The following NLRP9 variants were observed in gnomAD, a reference collection of about 807,000 sequenced individuals.
NLRP9 encodes the protein NLR family pyrin domain containing 9.
NLRP9 carries 88 observed loss-of-function variants against 83.1 expected under a neutral mutation model. The observed-to-expected ratio is 1.06, with a 90% confidence interval of 0.89 to 1.26. The LOEUF (loss-of-function observed/expected upper bound fraction) is 1.26, where lower values mean the gene tolerates loss of function less well. NLRP9 is among the 50% of genes most tolerant of loss of function. NLRP9 has a pLI of 0.00. For synonymous variants in NLRP9, 521 were observed against 447.6 expected (o/e 1.16, Z -2.07); for missense variants, 1,308 against 1,179.3 (o/e 1.11, Z -1.60).
intron 6 of NLRP9, 95 bp downstream of exon 6, chr19:55,714,960 C>G: frequency 8.4e-7 from 1 of 1,196,418 alleles, no homozygotes; most frequent in Non-Finnish European, 1.2e-6. Flanking sequence ...CATATACATT[C>G]AGATGCTAGC....
intron 4 of NLRP9, among the ~76,000 whole-genome samples, chr19:55,722,248 ATC>A (rs1988250220): frequency 6.6e-6 from 1 of 152,210 alleles, no homozygotes; most frequent in Non-Finnish European, 1.5e-5. Context: ...ATGTTCCCCA[ATC>A]CTTATGTTAA....
intron 7 of NLRP9, among the ~76,000 whole-genome samples, chr19:55,712,190 C>T (rs1987761463): frequency 6.6e-6 from 1 of 152,142 alleles, no homozygotes; most frequent in Admixed American, 6.6e-5. Flanking sequence ...TCCAGGGGCG[C>T]TGCTAAAGAC....
intron 8 of NLRP9, chr19:55,711,383 C>A: frequency 8.0e-7 from 1 of 1,247,404 alleles, no homozygotes; most frequent in Non-Finnish European, 1.0e-6. Context: ...TAACTGCTGC[C>A]ATTTGGCGAA....
At position 55,715,064 on chromosome 19, in the gene NLRP9, C is replaced by G; in HGVS notation, c.2492G>C (p.Arg831Pro). The G allele has an allele frequency of 6.2e-7, 1 of 1,610,298 alleles. No homozygotes were observed. The highest frequency in any genetic ancestry group is 8.5e-7 in the Non-Finnish European group (1 of 1,178,678). ...AALKHPGCSIRELWLMGCFLT... is the reference protein window; with the variant it reads ...AALKHPGCSIPELWLMGCFLT... The stretch of plus-strand genomic sequence containing the variant: ...TCATGGCCGGTCCTACCACAGCTCC[C>G]GTATGCTGCAGCCTGGGTGCTTCAG... The change falls in exon 6 of 9, where the codon CGG becomes CCG. Residue 831 changes from arginine (R) to proline (P), a missense_variant. By Grantham distance (103) the Arg-to-Pro change is moderately radical. Transcript: ENST00000332836.
chr19:55,730,849 A>G (rs1282349853), intron 2 of NLRP9, among the ~76,000 whole-genome samples: 1 of 152,084 alleles, frequency 6.6e-6, no homozygotes, highest in Non-Finnish European at 1.5e-5. Context: ...CTGCCCAGCA[A>G]ATCACCATGA....
intron 1 of NLRP9, among the ~76,000 whole-genome samples, chr19:55,735,930 C>T (rs918437621): frequency 3.9e-5 from 6 of 152,008 alleles, no homozygotes; most frequent in African/African-American, 1.2e-4. Context: ...TTAGGTGATC[C>T]GCCCACCTCA....
At position 55,711,959 on chromosome 19, in the gene NLRP9, C is replaced by T. The variant is rs1306237954; in HGVS notation, c.2684G>A (p.Cys895Tyr). The T allele has an allele frequency of 1.9e-6, 3 of 1,612,698 alleles. No individual in the cohort carries two copies. The highest frequency in any genetic ancestry group is 1.1e-5 in the South Asian group (1 of 91,080). ...GTCGCAGCAGGCACGGGTGATCGGACACGTTTGCAGCCTGCAAAAGGGAAA... is the reference window on the plus strand; with the variant it reads ...GTCGCAGCAGGCACGGGTGATCGGATACGTTTGCAGCCTGCAAAAGGGAAA... ...CKLECLGLQTCPITRACCDDI... is the reference protein window; with the variant it reads ...CKLECLGLQTYPITRACCDDI... The change falls in exon 8 of 9, where the codon TGT becomes TAT. Residue 895 changes from cysteine to tyrosine, a missense_variant. By Grantham distance (194) the Cys-to-Tyr change is radical (BLOSUM62 -2). Transcript: ENST00000332836.
Position 55,732,147 on chromosome 19 carries a change from TC to T in NLRP9, c.1683del (p.Met562Ter). On this transcript the variant is annotated frameshift_variant, in exon 2 of 9. Coordinates refer to ENST00000332836, the MANE Select transcript of NLRP9 (RefSeq NM_176820.4). LOFTEE classifies it high-confidence loss of function. ...ATGAAAACTTCTTCAAAGAAATTCA[TC>T]ACTTTGGTTACAAATTCTTTTTCCT... Reference protein sequence around the residue: ...ETQEKEFVTKVMNFFEEVFIY... With the variant: ...ETQEKEFVTKXMNFFEEVFIY... 6.2e-7 allele frequency: 1 copy of T among 1,613,262 alleles called. No individual in the cohort carries two copies. The highest frequency in any genetic ancestry group is 1.7e-4 in the Middle Eastern group (1 of 6,052).
intron 8 of NLRP9, chr19:55,711,347 G>T: frequency 8.8e-7 from 1 of 1,134,510 alleles, no homozygotes; most frequent in South Asian, 2.0e-5. Context: ...CAACTCTAAA[G>T]GCAAACCTAA....
At chr19:55,729,050 C>CTTTTTTTTTTTT (rs374589373) in intron 3 of NLRP9, among the ~76,000 whole-genome samples, 53 of 70,240 alleles carry the variant, frequency 7.5e-4, no homozygotes, top group Non-Finnish European at 9.3e-4. Flanking sequence ...TTTTCTTTTT[C>CTTTTTTTTTTTT]TTTTTTTTTT....
chr19:55,732,556 G>T lies in NLRP9; in HGVS notation c.1275C>A (p.Gly425=), dbSNP rs1236523509. ...LRRNGLSESE[G]VMWVGMRLLQ... ...GGAGTCTCATACCCACCCACATCAC[G>T]CCCTCAGACTCAGATAACCCATTCC... Residue 425 remains glycine, a synonymous_variant, in exon 2 of 9, where the codon GGC becomes GGA. Transcript: ENST00000332836. 3 of 1,614,022 alleles carry T rather than the reference G, an allele frequency of 1.9e-6. No individual in the cohort carries two copies. Among genetic ancestry groups the T allele is most frequent in the South Asian group, 1.1e-5 (1 of 91,074 alleles).
Position 55,728,444 on chromosome 19 carries a change from T to C in NLRP9, c.1994+1387A>G, listed in dbSNP as rs998082197. Among the ~76,000 whole-genome samples, 18 of 152,072 alleles carry C rather than the reference T, an allele frequency of 1.2e-4. 1 individual carries two copies. The highest frequency in any genetic ancestry group is 4.3e-4 in the African/African-American group (18 of 41,414). On this transcript the variant is annotated intron_variant, in intron 3 of 8. Coordinates refer to ENST00000332836, the MANE Select transcript of NLRP9 (RefSeq NM_176820.4). ...AAAACTAGCCAGGCGTCGTGGTGCA[T>C]GCCTGTAATCCCAGTTACTCGGGAG... is the stretch of plus-strand genomic sequence containing the variant.
At chr19:55,727,896 T>A (rs1180532976) in intron 3 of NLRP9, among the ~76,000 whole-genome samples, 1 of 152,098 alleles carries the variant, frequency 6.6e-6, no homozygotes, top group East Asian at 1.9e-4. Context: ...AGTCTTACAA[T>A]GGCTATGATT....
At position 55,726,308 on chromosome 19, in the gene NLRP9, G is replaced by A. The variant is rs143320962; in HGVS notation, c.1995-2164C>T. Among the ~76,000 whole-genome samples the A allele has an allele frequency of 1.2e-3, 178 of 152,224 alleles. 1 individual carries two copies. Among genetic ancestry groups the A allele is most frequent in the South Asian group, 9.8e-3 (47 of 4,820 alleles). On this transcript the variant is annotated intron_variant, in intron 3 of 8. Coordinates refer to ENST00000332836, the MANE Select transcript of NLRP9 (RefSeq NM_176820.4). ...CAGGATAATCAACCTCATGGAAAAG[G>A]GGCAAACTAAAATAGAAGAGTTGAT...
intron 4 of NLRP9, among the ~76,000 whole-genome samples, chr19:55,721,012 T>C (rs1440606264): frequency 1.3e-5 from 2 of 152,196 alleles, no homozygotes; most frequent in Non-Finnish European, 2.9e-5. Context: ...CCTTAAGTGT[T>C]GGGGAGAAAA....
At position 55,713,518 on chromosome 19, in the gene NLRP9, G is replaced by A. The variant is rs116153828; in HGVS notation, c.2502-928C>T. On this transcript the variant is annotated intron_variant, in intron 6 of 8. Coordinates refer to ENST00000332836, the MANE Select transcript of NLRP9 (RefSeq NM_176820.4). ...TTTTGCCCACCAGAGGACACTGGTA[G>A]TGTCTGGAGACATTTTTGGTCTACC... Among the ~76,000 whole-genome samples, 1,429 of 150,054 alleles carry A rather than the reference G, an allele frequency of 9.5e-3. 25 individuals are homozygous for A. The highest frequency in any genetic ancestry group is 0.033 in the African/African-American group (1,347 of 40,458).
chr19:55,724,903 C>T (rs1426675795), intron 3 of NLRP9, among the ~76,000 whole-genome samples: 1 of 151,850 alleles, frequency 6.6e-6, no homozygotes, highest in Non-Finnish European at 1.5e-5. Context: ...ACTAAAAATA[C>T]AAAAAATTAG....
chr19:55,711,389 GCGAATGTATTTCTGAATCAAGA>G (rs1419935051), intron 8 of NLRP9: 1 of 1,254,536 alleles, frequency 8.0e-7, no homozygotes, highest in South Asian at 1.4e-5. Flanking sequence ...CTGCCATTTG[GCGAATGTATTTCTGAATCAAGA>G]CCTTAGCCCA....
chr19:55,735,464 G>C (rs1319901557), intron 1 of NLRP9, among the ~76,000 whole-genome samples: 1 of 152,018 alleles, frequency 6.6e-6, no homozygotes, highest in Non-Finnish European at 1.5e-5. Context: ...AAAGAGAAAG[G>C]AAATAAGGCC....
Sources: gnomAD v4.1 joint callset for allele counts (sites outside exome capture counted in the v4.1 genomes callset) on GRCh38, gnomAD v4.1.1 for gene constraint, MANE v1.5 for transcripts, NCBI Gene and HGNC (gene_info 2026-07-23, HGNC 2026-07-21) for gene names.